GRIA3: variants seen among roughly 807,000 people sequenced by gnomAD.
GRIA3 encodes the protein glutamate receptor 3.
In GRIA3, 3 loss-of-function variants were observed where a neutral mutation model predicts 63.0. The ratio of observed to expected loss-of-function variants is 0.05; its 90% CI spans 0.02 to 0.12. The LOEUF (loss-of-function observed/expected upper bound fraction) is 0.12, where lower values mean the gene tolerates loss of function less well. GRIA3 is among the 10% of genes least tolerant of loss of function. The pLI is 1.00. For missense variants in GRIA3, 347 were observed against 700.9 expected (o/e 0.50, Z 5.70); for synonymous variants, 274 against 257.9 (o/e 1.06, Z -0.60).
intron 3 of GRIA3, among the ~76,000 whole-genome samples, chrX:123,264,610 G>T (rs1048423164): frequency 8.9e-6 from 1 of 112,128 alleles, no homozygotes; most frequent in Non-Finnish European, 1.9e-5. Context: ...CTATATTGAG[G>T]TGTTGGGTGA....
At chrX:123,355,080 T>C (rs1603109400) in intron 5 of GRIA3, 117 bp downstream of exon 5, 2 of 584,615 alleles carry the variant, frequency 3.4e-6, no homozygotes, top group Non-Finnish European at 6.0e-6. Context: ...CTTGGAGAAA[T>C]GACTTCGGTA....
intron 2 of GRIA3, among the ~76,000 whole-genome samples, chrX:123,228,867 AG>A (rs1448179210): frequency 3.6e-5 from 4 of 111,950 alleles, no homozygotes; most frequent in Non-Finnish European, 7.5e-5. Context: ...GAGTGAAGTT[AG>A]GGTTGCCATA....
intron 2 of GRIA3, among the ~76,000 whole-genome samples, chrX:123,195,241 G>A (rs764055859): frequency 8.9e-6 from 1 of 112,431 alleles, no homozygotes; most frequent in Non-Finnish European, 1.9e-5. Context: ...TATTAAAGCC[G>A]TACCACATGG....
chrX:123,249,120 A>T (rs896318831), intron 2 of GRIA3, among the ~76,000 whole-genome samples: 2 of 111,871 alleles, frequency 1.8e-5, no homozygotes, highest in Non-Finnish European at 3.8e-5. Context: ...CTTTTCTAAG[A>T]GACTAGTTCA....
intron 3 of GRIA3, among the ~76,000 whole-genome samples, chrX:123,293,613 G>T (rs1487076173): frequency 4.5e-5 from 5 of 110,203 alleles, no homozygotes; most frequent in African/African-American, 1.6e-4. Context: ...AAAGGGACTA[G>T]GTGGGGAAGG....
intron 2 of GRIA3, among the ~76,000 whole-genome samples, chrX:123,232,955 T>C (rs1421152031): frequency 9.0e-6 from 1 of 110,787 alleles, no homozygotes; most frequent in East Asian, 2.9e-4. Context: ...ACCCCCAAAG[T>C]GAGTGAGCTT....
intron 3 of GRIA3, among the ~76,000 whole-genome samples, chrX:123,267,751 T>C (rs770314985): frequency 8.9e-6 from 1 of 111,983 alleles, no homozygotes; most frequent in African/African-American, 3.2e-5. Flanking sequence ...CATAAAATAG[T>C]GCCTATTCAT....
intron 2 of GRIA3, among the ~76,000 whole-genome samples, chrX:123,224,580 G>A (rs1443340431): frequency 3.6e-5 from 4 of 110,302 alleles, no homozygotes; most frequent in African/African-American, 6.6e-5. Flanking sequence ...AACTTTTATC[G>A]GGGCTTTTTT....
intron 12 of GRIA3, among the ~76,000 whole-genome samples, chrX:123,443,731 A>AT (rs2045688358): frequency 9.0e-6 from 1 of 111,680 alleles, no homozygotes; most frequent in Non-Finnish European, 1.9e-5. Context: ...ACCTGAAAGA[A>AT]TTTAGATGAA....
chrX:123,222,687 A>G (rs1390810767), intron 2 of GRIA3, among the ~76,000 whole-genome samples: 1 of 112,259 alleles, frequency 8.9e-6, no homozygotes, highest in East Asian at 2.8e-4. Context: ...AGACCTGAGC[A>G]TCAGTGTTTT....
At chrX:123,204,564 A>G (rs113256877) in intron 2 of GRIA3, 41,147 of 1,153,119 alleles carry the variant, frequency 0.036, 566 homozygotes, top group Middle Eastern at 0.053. Flanking sequence ...AACCCATTTT[A>G]GAGACAGAAG....
intron 5 of GRIA3, among the ~76,000 whole-genome samples, chrX:123,384,423 G>C (rs768186809): frequency 8.9e-6 from 1 of 111,867 alleles, no homozygotes; most frequent in South Asian, 3.7e-4. Flanking sequence ...TCGGGAGTTC[G>C]AGACCAGCCT....
At chrX:123,452,030 T>C (rs1208865862) in intron 12 of GRIA3, among the ~76,000 whole-genome samples, 2 of 112,079 alleles carry the variant, frequency 1.8e-5, no homozygotes, top group African/African-American at 6.5e-5. Flanking sequence ...AGCAATCATG[T>C]ATATAATGCA....
intron 12 of GRIA3, among the ~76,000 whole-genome samples, chrX:123,446,769 T>C (rs1381236241): frequency 9.0e-6 from 1 of 111,423 alleles, no homozygotes; most frequent in African/African-American, 3.3e-5. Flanking sequence ...CAGGTAAGGA[T>C]AGGGGTGGGA....
intron 13 of GRIA3, among the ~76,000 whole-genome samples, chrX:123,478,180 C>T (rs5911627): frequency 0.36 from 39,358 of 110,584 alleles, 5,626 homozygotes; most frequent in South Asian, 0.59. Context: ...GAGCATCAGA[C>T]GGTGGAGAAT....
chrX:123,398,802 T>C lies in GRIA3; in HGVS notation c.1079T>C (p.Met360Thr), dbSNP rs1603133900. The C allele has an allele frequency of 8.3e-7, 1 of 1,201,338 alleles. No individual in the cohort carries two copies. The highest frequency in any genetic ancestry group is 3.0e-5 in the East Asian group (1 of 33,748). Residue 360 changes from methionine (M) to threonine (T), a missense_variant and splice_region_variant, in exon 7 of 16, where the codon ATG becomes ACG. Met to Thr is a moderately conservative substitution (Grantham distance 81, BLOSUM62 -1). This residue lies in a region of GRIA3 where 65 missense variants were observed against 145.8 expected (regional missense o/e 0.45). Transcript: ENST00000620443. The part of the protein sequence containing the change: ...QGIDIERALK[M>T]VQVQGMTGNI... ...ATTGATATTGAGAGAGCTCTGAAAA[T>C]GGTAAAGACCACAATGGGTTATTGG...
chrX:123,469,394 T>C (rs2045851001), intron 13 of GRIA3, among the ~76,000 whole-genome samples: 2 of 111,710 alleles, frequency 1.8e-5, no homozygotes, highest in Non-Finnish European at 3.8e-5. Flanking sequence ...ATAAAACTAA[T>C]GTTTTATTAT....
chrX:123,263,061 G>C (rs2044469225), intron 3 of GRIA3, among the ~76,000 whole-genome samples: 2 of 111,972 alleles, frequency 1.8e-5, no homozygotes, highest in Non-Finnish European at 3.8e-5. Flanking sequence ...GGAAATACTG[G>C]CAAAATCCCA....
At chrX:123,263,442 G>A (rs1490844411) in intron 3 of GRIA3, among the ~76,000 whole-genome samples, 2 of 112,403 alleles carry the variant, frequency 1.8e-5, no homozygotes, top group Non-Finnish European at 3.8e-5. Flanking sequence ...ATTCTCTGGT[G>A]CTAACTGCCT....
Sources: gnomAD v4.1 joint callset for allele counts (sites outside exome capture counted in the v4.1 genomes callset) on GRCh38, gnomAD v4.1.1 for gene constraint, gnomAD v4.1.1 regional missense constraint, MANE v1.5 for transcripts, NCBI Gene and HGNC (gene_info 2026-07-23, HGNC 2026-07-21) for gene names.